The following SLC4A8 variants were observed in gnomAD, a reference collection of about 807,000 sequenced individuals.
SLC4A8 encodes electroneutral sodium bicarbonate exchanger 1.
In SLC4A8, 40 loss-of-function variants were observed where a neutral mutation model predicts 125.0. That is an observed-to-expected ratio of 0.32 (90% CI 0.25 to 0.42). The LOEUF is 0.42. SLC4A8 is among the 10% of genes least tolerant of loss of function. The probability of loss-of-function intolerance (pLI) is 1.00; values close to 1 mark genes in which losing one functional copy is unlikely to be tolerated. For missense variants in SLC4A8, 863 were observed against 1,355.1 expected, an observed-to-expected ratio of 0.64 and a Z score of 5.70; for synonymous variants, 456 against 476.0, an observed-to-expected ratio of 0.96 and a Z score of 0.55.
chr12:51,432,982 G>A (rs981916366), intron 1 of SLC4A8, among the ~76,000 whole-genome samples: 1 of 152,146 alleles, frequency 6.6e-6, no homozygotes, highest in South Asian at 2.1e-4. Flanking sequence ...CCACCACCAC[G>A]CAGGTCCAGA....
chr12:51,449,462 A>G (rs1949894718), intron 2 of SLC4A8, among the ~76,000 whole-genome samples: 1 of 151,630 alleles, frequency 6.6e-6, no homozygotes. Context: ...ATGCAAAGTC[A>G]CCTGCTCTCA....
chr12:51,474,008 T>G (rs1298227372), intron 14 of SLC4A8, among the ~76,000 whole-genome samples: 2 of 142,872 alleles, frequency 1.4e-5, no homozygotes, highest in South Asian at 2.4e-4. Flanking sequence ...GCCTAAGAGA[T>G]AGAAATCGGG....
At chr12:51,441,549 G>A (rs1175062824) in intron 2 of SLC4A8, among the ~76,000 whole-genome samples, 3 of 152,146 alleles carry the variant, frequency 2.0e-5, no homozygotes, top group Non-Finnish European at 4.4e-5. Context: ...TAGTGTTGAT[G>A]CTCAGTTTCA....
At chr12:51,488,955 A>C in intron 18 of SLC4A8, 95 bp downstream of exon 18, 1 of 911,370 alleles carries the variant, frequency 1.1e-6, no homozygotes, top group Non-Finnish European at 1.7e-6. Flanking sequence ...AAATTGTAGA[A>C]TCTCATAGAA....
chr12:51,393,291 C>T (rs561192969), intron 1 of SLC4A8, among the ~76,000 whole-genome samples: 4 of 152,116 alleles, frequency 2.6e-5, no homozygotes, highest in South Asian at 2.1e-4. Context: ...GAGGGAGTTT[C>T]GCCATGTTGC....
chr12:51,425,264 C>A, intron 1 of SLC4A8: 1 of 1,329,886 alleles, frequency 7.5e-7, no homozygotes, highest in Non-Finnish European at 9.6e-7. Context: ...ATCTCTGCCG[C>A]ATCCCTTGCG....
Position 51,440,773 on chromosome 12 carries a change from A to G in SLC4A8, c.114A>G (p.Glu38=). ...GTSTILNIHY[E]KEELEGHRTL... is the part of the protein sequence containing the mutation. ...GTACAATTCTCAACATTCACTATGA[A>G]AAAGAAGAGCTGGAAGGTAAGAACT... The change falls in exon 2 of 25, where the codon GAA becomes GAG. Residue 38 remains glutamate, a synonymous_variant. Coordinates refer to ENST00000453097, the MANE Select transcript of SLC4A8 (RefSeq NM_001039960.3). 1 of 1,608,154 alleles carries G rather than the reference A, an allele frequency of 6.2e-7. No homozygotes were observed. Among genetic ancestry groups the G allele is most frequent in the South Asian group, 1.1e-5 (1 of 89,958 alleles).
At position 51,515,347 on chromosome 12, in the gene SLC4A8, T is replaced by TCCCCTTCCAA. The variant is rs1355928849; in HGVS notation, c.*7909_*7910insCCCCTTCCAA. The TCCCCTTCCAA allele has an allele frequency of 2.6e-5, 4 of 152,244 alleles. No homozygotes were observed. Among genetic ancestry groups the TCCCCTTCCAA allele is most frequent in the African/African-American group, 9.6e-5 (4 of 41,462 alleles). 9.4% of individuals were successfully genotyped at this position (152,244 alleles called of 1,614,324 possible). On this transcript the variant is annotated 3_prime_UTR_variant, in exon 25 of 25. Coordinates refer to ENST00000453097, the MANE Select transcript of SLC4A8 (RefSeq NM_001039960.3). ...GTCTGTCTGATTGGTTAGATTTGGCTGCCCTTCCAAGCTAATGGTGTCAGG... is the reference window on the plus strand; with the variant it reads ...GTCTGTCTGATTGGTTAGATTTGGCTCCCCTTCCAAGCCCTTCCAAGCTAATGGTGTCAGG...
chr12:51,481,654 G>C lies in SLC4A8; in HGVS notation c.2173-4133G>C, dbSNP rs374726771. On this transcript the variant is annotated intron_variant, in intron 16 of 24. Coordinates refer to ENST00000453097, the MANE Select transcript of SLC4A8 (RefSeq NM_001039960.3). ...TAAAAAATCCTAGGTTATGAAACAA[G>C]GTTCTGGGCCAAGCACAGTGGCTCA... Among the ~76,000 whole-genome samples the C allele has an allele frequency of 3.3e-5, 5 of 152,184 alleles. No homozygotes were observed. The East Asian group carries it at 9.6e-4, about 29-fold the overall frequency.
At chr12:51,417,187 AT>A (rs1319770760) in intron 1 of SLC4A8, among the ~76,000 whole-genome samples, 1 of 151,958 alleles carries the variant, frequency 6.6e-6, no homozygotes, top group Non-Finnish European at 1.5e-5. Context: ...AAGTCTTTTC[AT>A]TTTTTTATAT....
intron 2 of SLC4A8, among the ~76,000 whole-genome samples, chr12:51,449,359 A>G (rs1949890362): frequency 6.6e-6 from 1 of 151,886 alleles, no homozygotes; most frequent in Non-Finnish European, 1.5e-5. Flanking sequence ...TGGGAATTCA[A>G]GGCTACCATG....
intron 1 of SLC4A8, among the ~76,000 whole-genome samples, chr12:51,397,334 T>C (rs549233486): frequency 6.6e-6 from 1 of 152,330 alleles, no homozygotes; most frequent in African/African-American, 2.4e-5. Flanking sequence ...ACAGTTAGTT[T>C]TGAAAATATG....
At chr12:51,424,737 G>T (rs892732204), upstream of SLC4A8, 4 of 460,638 alleles carry the variant, frequency 8.7e-6, no homozygotes, top group East Asian at 7.4e-5. Context: ...CCCTCCCCGC[G>T]GTAGCCCAGG....
At chr12:51,480,450 T>G (rs886469893) in intron 16 of SLC4A8, 1 of 1,100,436 alleles carries the variant, frequency 9.1e-7, no homozygotes, top group African/African-American at 1.7e-5. Flanking sequence ...GTCAACTGAT[T>G]ATCAGCTTGT....
intron 1 of SLC4A8, among the ~76,000 whole-genome samples, chr12:51,402,037 G>T (rs920444699): frequency 3.3e-5 from 5 of 152,098 alleles, no homozygotes; most frequent in African/African-American, 1.2e-4. Flanking sequence ...CAAAGTGCTG[G>T]AATTACAGGC....
At chr12:51,436,196 A>G (rs1360277064) in intron 1 of SLC4A8, among the ~76,000 whole-genome samples, 3 of 152,204 alleles carry the variant, frequency 2.0e-5, no homozygotes, top group Non-Finnish European at 4.4e-5. Context: ...ATAAATTCAC[A>G]TAGCTACTCA....
rs201980084 is a variant in SLC4A8 at position 51,462,399 on chromosome 12, T to C, written c.1191T>C (p.Pro397=). 6.2e-7 allele frequency: 1 copy of C among 1,607,662 alleles called. No individual in the cohort carries two copies. The highest frequency in any genetic ancestry group is 1.7e-5 in the Admixed American group (1 of 58,340). Residue 397 remains proline, a synonymous_variant, in exon 10 of 25, where the codon CCT becomes CCC. Coordinates refer to ENST00000453097, the MANE Select transcript of SLC4A8 (RefSeq NM_001039960.3). ...DEFLDQVTVL[P]PGEWDPSIRI... is the part of the protein sequence containing the mutation. ...TCCTAGACCAGGTGACGGTGCTCCCTCCAGGAGAGTGGGATCCCTCCATTA... is the reference window on the plus strand; with the variant it reads ...TCCTAGACCAGGTGACGGTGCTCCCCCCAGGAGAGTGGGATCCCTCCATTA...
At chr12:51,506,299 G>C (rs1592285505) in intron 24 of SLC4A8, among the ~76,000 whole-genome samples, 1 of 152,270 alleles carries the variant, frequency 6.6e-6, no homozygotes, top group East Asian at 1.9e-4. Flanking sequence ...AAAATATTCA[G>C]ATAGTGTTGA....
intron 1 of SLC4A8, among the ~76,000 whole-genome samples, chr12:51,408,670 G>A (rs764487828): frequency 5.3e-5 from 8 of 152,162 alleles, no homozygotes; most frequent in Non-Finnish European, 2.9e-5. Flanking sequence ...TTGGTGACCC[G>A]AGGCTGCCCA....
Sources: gnomAD v4.1 joint callset for allele counts (sites outside exome capture counted in the v4.1 genomes callset) on GRCh38, gnomAD v4.1.1 for gene constraint, MANE v1.5 for transcripts, NCBI Gene and HGNC (gene_info 2026-07-23, HGNC 2026-07-21) for gene names.